KAZN: variants seen among roughly 807,000 people sequenced by gnomAD.
KAZN encodes the protein kazrin, periplakin interacting protein.
A neutral mutation model predicts 87.4 loss-of-function variants in KAZN; 40 were observed. That is an observed-to-expected ratio of 0.46 (90% confidence interval 0.36 to 0.60). The LOEUF (loss-of-function observed/expected upper bound fraction) is 0.60. Among genes scored for constraint, KAZN ranks in the 20% least tolerant of loss-of-function variants. KAZN has a pLI of 0.00. For synonymous variants in KAZN, 466 were observed against 458.3 expected (o/e 1.02, Z -0.22); for missense variants, 898 against 1,073.9 (o/e 0.84, Z 2.29).
rs139711450 is a variant in KAZN, at chr1:14,240,319, C to T, written c.249+59727C>T. ...GTACTTGGGACCTCCTGTGCCCACG[C>T]GACACCTCTGTGTGCCTAGACAGGG... On this transcript the variant is annotated intron_variant, in intron 2 of 16. Coordinates refer to the KAZN transcript ENST00000636203. Among the ~76,000 whole-genome samples, 680 of 152,326 alleles carry T rather than the reference C, an allele frequency of 4.5e-3. 5 individuals are homozygous for T. Among genetic ancestry groups the T allele is most frequent in the African/African-American group, 0.015 (604 of 41,572 alleles).
chr1:14,401,605 C>CT (rs1663415463), intron 2 of KAZN, among the ~76,000 whole-genome samples: 1 of 151,966 alleles, frequency 6.6e-6, no homozygotes, highest in Non-Finnish European at 1.5e-5. Context: ...CACTTGAGCC[C>CT]AGGAGTTCGA....
intron 2 of KAZN, among the ~76,000 whole-genome samples, chr1:14,544,979 A>T (rs1673051632): frequency 1.3e-5 from 2 of 152,002 alleles, no homozygotes; most frequent in South Asian, 4.2e-4. Flanking sequence ...ACATTCTTCT[A>T]CTCATCCATC....
At chr1:15,011,287 T>C (rs1410221444) in intron 2 of KAZN, among the ~76,000 whole-genome samples, 1 of 152,178 alleles carries the variant, frequency 6.6e-6, no homozygotes, top group Admixed American at 6.5e-5. Context: ...GATCATATGC[T>C]CTTGTTATCT....
chr1:14,982,614 A>T (rs886734007), intron 2 of KAZN, among the ~76,000 whole-genome samples: 66 of 151,918 alleles, frequency 4.3e-4, no homozygotes, highest in African/African-American at 1.4e-3. Flanking sequence ...TTTAGTAGAG[A>T]TGCGGTTTCA....
At chr1:14,922,030 G>A (rs1658580736) in intron 1 of KAZN, among the ~76,000 whole-genome samples, 1 of 152,102 alleles carries the variant, frequency 6.6e-6, no homozygotes, top group Non-Finnish European at 1.5e-5. Flanking sequence ...TTTTTTTCTT[G>A]TTATGGAGTT....
At chr1:14,638,137 A>G (rs1680134600) in intron 1 of KAZN, among the ~76,000 whole-genome samples, 1 of 152,164 alleles carries the variant, frequency 6.6e-6, no homozygotes, top group South Asian at 2.1e-4. Context: ...GCCCACCCTC[A>G]TCCAGGATGG....
chr1:15,080,081 G>A (rs1274189350), intron 8 of KAZN, among the ~76,000 whole-genome samples: 1 of 152,116 alleles, frequency 6.6e-6, no homozygotes, highest in Non-Finnish European at 1.5e-5. Flanking sequence ...TCAATTCCCT[G>A]GCCCTTTGGA....
chr1:14,776,141 C>T (rs2100618379), intron 1 of KAZN, among the ~76,000 whole-genome samples: 1 of 152,320 alleles, frequency 6.6e-6, no homozygotes, highest in East Asian at 1.9e-4. Flanking sequence ...TCCCAAGTAG[C>T]TGGGATTACA....
chr1:13,918,863 A>G (rs1181169674), intron 1 of KAZN, among the ~76,000 whole-genome samples: 1 of 152,162 alleles, frequency 6.6e-6, no homozygotes, highest in Non-Finnish European at 1.5e-5. Flanking sequence ...ACAGGGTCTC[A>G]GTCTGTGGCC....
In KAZN at chr1:14,348,637, C is replaced by T. The variant is rs566118182; in HGVS notation, c.249+168045C>T. On this transcript the variant is annotated intron_variant, in intron 2 of 16. Coordinates refer to the KAZN transcript ENST00000636203. ...CTATCACTTCAGTTAGAAAAGAACG[C>T]GAAGAGGGGGATAGTTCACATTTTT... Among the ~76,000 whole-genome samples, 33 of 152,202 alleles carry T rather than the reference C, an allele frequency of 2.2e-4. No homozygotes were observed. In the South Asian group the frequency reaches 4.6e-3, roughly 21 times the overall value.
At chr1:14,483,828 A>G (rs919943542) in intron 2 of KAZN, among the ~76,000 whole-genome samples, 1 of 152,204 alleles carries the variant, frequency 6.6e-6, no homozygotes, top group Non-Finnish European at 1.5e-5. Context: ...AGATCAAAAA[A>G]TCATTGCTCT....
At chr1:15,023,312 G>T (rs150470266) in intron 2 of KAZN, among the ~76,000 whole-genome samples, 1 of 152,224 alleles carries the variant, frequency 6.6e-6, no homozygotes, top group South Asian at 2.1e-4. Flanking sequence ...TGTTAAGTTG[G>T]TGGCCAGTTC....
chr1:14,599,872 T>C lies in KAZN; in HGVS notation c.226+649T>C, dbSNP rs1274400105. 1.3e-5 allele frequency among the ~76,000 whole-genome samples: 2 copies of C among 149,280 alleles called. No homozygotes were observed. The highest frequency in any genetic ancestry group is 5.0e-5 in the African/African-American group (2 of 40,344). On this transcript the variant is annotated intron_variant, in intron 1 of 14. Coordinates refer to ENST00000376030, the MANE Select transcript of KAZN (RefSeq NM_201628.3). The surrounding 1 kb of genome is among the most constrained non-coding windows in gnomAD (Gnocchi z 4.4). ...AGGGGGATACTGTAGACCTCAAAGG[T>C]TGAGCGGTAGAGAAATGAAGGCTTA... is the stretch of plus-strand genomic sequence containing the variant.
At chr1:14,708,202 A>G (rs543883382) in intron 1 of KAZN, among the ~76,000 whole-genome samples, 138 of 152,158 alleles carry the variant, frequency 9.1e-4, no homozygotes, top group African/African-American at 3.1e-3. Flanking sequence ...GTGCCTTTCC[A>G]TGGATGAGGA....
chr1:14,482,459 A>T (rs1475214604), intron 2 of KAZN, among the ~76,000 whole-genome samples: 1 of 152,230 alleles, frequency 6.6e-6, no homozygotes, highest in African/African-American at 2.4e-5. Flanking sequence ...CTGGGAAGCC[A>T]TCTCTGACCA....
upstream of KAZN, among the ~76,000 whole-genome samples, chr1:14,598,418 A>C (rs1676652220): frequency 1.3e-5 from 2 of 152,168 alleles, no homozygotes. The surrounding 1 kb of genome is among the most constrained non-coding windows in gnomAD (Gnocchi z 4.2). Flanking sequence ...TCGGGGCACC[A>C]GTTCTCCAGG....
chr1:14,507,524 G>T (rs1377040698), intron 2 of KAZN, among the ~76,000 whole-genome samples: 1 of 152,194 alleles, frequency 6.6e-6, no homozygotes, highest in Admixed American at 6.5e-5. Context: ...TATATAGTCA[G>T]TGCATCCGCC....
chr1:14,385,139 A>C lies in KAZN; in HGVS notation c.249+204547A>C, dbSNP rs1447519619. ...GTAGTATTCTCTGATGGTAGTTTGT[A>C]TTTCTGTGGGATCAGTGGTGATAAC... On this transcript the variant is annotated intron_variant, in intron 2 of 16. Coordinates refer to the KAZN transcript ENST00000636203. Among the ~76,000 whole-genome samples the C allele has an allele frequency of 2.0e-5, 3 of 152,048 alleles. No individual in the cohort carries two copies. The East Asian group carries it at 5.8e-4, about 29-fold the overall frequency.
chr1:14,484,790 G>C (rs1049009571), intron 2 of KAZN, among the ~76,000 whole-genome samples: 1 of 152,166 alleles, frequency 6.6e-6, no homozygotes, highest in African/African-American at 2.4e-5. Context: ...TAACTGTGTT[G>C]ATTCAGCTTT....
Sources: allele counts gnomAD v4.1 joint callset (sites outside exome capture counted in the v4.1 genomes callset), GRCh38; gene constraint gnomAD v4.1.1; non-coding constraint Gnocchi (gnomAD v3.1); transcripts MANE v1.5; gene names NCBI Gene and HGNC (gene_info 2026-07-23, HGNC 2026-07-21).